The following PLPP1 variants were observed in gnomAD, a reference collection of about 807,000 sequenced individuals.
The protein encoded by PLPP1 is phospholipid phosphatase 1, also known as lipid phosphate phosphohydrolase 1a.
In PLPP1, 24 loss-of-function variants were observed where a neutral mutation model predicts 31.2. The ratio of observed to expected loss-of-function variants is 0.77; its 90% CI spans 0.56 to 1.08. PLPP1 has a LOEUF of 1.08. Ranked by LOEUF, PLPP1 falls within the 50% of genes least tolerant of loss-of-function variation. The pLI is 0.00. For synonymous variants in PLPP1, 146 were observed against 126.3 expected (o/e 1.16, Z -1.05); for missense variants, 319 against 342.7 (o/e 0.93, Z 0.55).
At chr5:55,479,362 T>C (rs574815505) in intron 1 of PLPP1, among the ~76,000 whole-genome samples, 95 of 152,296 alleles carry the variant, frequency 6.2e-4, no homozygotes, top group African/African-American at 2.0e-3. Context: ...CCCAGTGCCA[T>C]TTCATTTTCA....
chr5:55,442,460 T>G (rs1296589432), intron 3 of PLPP1, among the ~76,000 whole-genome samples: 1 of 152,122 alleles, frequency 6.6e-6, no homozygotes, highest in Non-Finnish European at 1.5e-5. Flanking sequence ...GAGACCATCC[T>G]GGCCAACATG....
chr5:55,517,650 A>G (rs925822320), intron 1 of PLPP1, among the ~76,000 whole-genome samples: 3 of 152,232 alleles, frequency 2.0e-5, no homozygotes, highest in East Asian at 3.8e-4. Flanking sequence ...ACTTCAGGCA[A>G]TGTAAATCAC....
At chr5:55,478,342 G>A (rs1032928803) in intron 1 of PLPP1, among the ~76,000 whole-genome samples, 1 of 152,142 alleles carries the variant, frequency 6.6e-6, no homozygotes, top group African/African-American at 2.4e-5. Context: ...AAGGAATTCC[G>A]CTAGGTGCTA....
chr5:55,530,404 C>G (rs918273207), intron 1 of PLPP1: 13 of 1,283,550 alleles, frequency 1.0e-5, no homozygotes, highest in Non-Finnish European at 1.5e-5. Flanking sequence ...AAATTTGATT[C>G]TTGACACAGG....
At chr5:55,500,444 T>C (rs1360828075) in intron 1 of PLPP1, among the ~76,000 whole-genome samples, 1 of 152,174 alleles carries the variant, frequency 6.6e-6, no homozygotes, top group Non-Finnish European at 1.5e-5. Flanking sequence ...GACCAACTTC[T>C]AAGTAGTTAT....
chr5:55,435,883 G>A (rs190358738), intron 4 of PLPP1, among the ~76,000 whole-genome samples: 175 of 151,962 alleles, frequency 1.2e-3, no homozygotes, highest in African/African-American at 4.1e-3. Context: ...GTACTACAGT[G>A]TGCGCCTGTA....
chr5:55,476,051 T>G (rs1752542936), intron 1 of PLPP1, among the ~76,000 whole-genome samples: 1 of 150,770 alleles, frequency 6.6e-6, no homozygotes, highest in Admixed American at 6.6e-5. Context: ...CGATCATAGC[T>G]AAGTGCAGCC....
chr5:55,427,396 G>A (rs1167112983), intron 4 of PLPP1, among the ~76,000 whole-genome samples: 1 of 152,100 alleles, frequency 6.6e-6, no homozygotes, highest in Non-Finnish European at 1.5e-5. Context: ...CACACCAGCT[G>A]TTTAACTGAG....
intron 3 of PLPP1, among the ~76,000 whole-genome samples, chr5:55,458,916 A>AAAAAAAAAAAAG (rs1752087974): frequency 6.8e-6 from 1 of 146,330 alleles, no homozygotes; most frequent in Non-Finnish European, 1.5e-5. Context: ...AAAAAAAAAA[A>AAAAAAAAAAAAG]CACATAGCAA....
chr5:55,503,185 G>A (rs1753183078), intron 1 of PLPP1, among the ~76,000 whole-genome samples: 1 of 152,172 alleles, frequency 6.6e-6, no homozygotes, highest in Non-Finnish European at 1.5e-5. Context: ...GGCCCAAAAT[G>A]CTTGGCTTAG....
chr5:55,514,725 G>A (rs914849754), intron 1 of PLPP1, among the ~76,000 whole-genome samples: 1 of 152,076 alleles, frequency 6.6e-6, no homozygotes, highest in Admixed American at 6.5e-5. Flanking sequence ...AAAACGACTG[G>A]CAAAATACTT....
At chr5:55,483,345 AAAC>A (rs1752708664) in intron 1 of PLPP1, among the ~76,000 whole-genome samples, 1 of 152,188 alleles carries the variant, frequency 6.6e-6, no homozygotes, top group African/African-American at 2.4e-5. Flanking sequence ...GCTAACACAC[AAAC>A]AACATCAGTT....
intron 1 of PLPP1, among the ~76,000 whole-genome samples, chr5:55,482,203 G>GACACACACACAC (rs112327602): frequency 6.9e-6 from 1 of 144,508 alleles, no homozygotes; most frequent in South Asian, 2.2e-4. Flanking sequence ...TACACACACA[G>GACACACACACAC]ACACACACAC....
At chr5:55,430,174 G>A (rs1053668573) in intron 4 of PLPP1, among the ~76,000 whole-genome samples, 2 of 152,156 alleles carry the variant, frequency 1.3e-5, no homozygotes, top group Non-Finnish European at 2.9e-5. Context: ...GGAATCAGAG[G>A]GTTGTCCTGC....
intron 1 of PLPP1, among the ~76,000 whole-genome samples, chr5:55,504,772 A>G (rs1753235253): frequency 6.6e-6 from 1 of 151,102 alleles, no homozygotes; most frequent in Non-Finnish European, 1.5e-5. Flanking sequence ...TTAACACTTG[A>G]TATTTCCACT....
At chr5:55,458,667 C>T (rs1253934727) in intron 3 of PLPP1, among the ~76,000 whole-genome samples, 2 of 151,860 alleles carry the variant, frequency 1.3e-5, no homozygotes, top group Non-Finnish European at 1.5e-5. Flanking sequence ...GTGGGTGGAT[C>T]ACCTGAAGTC....
intron 4 of PLPP1, among the ~76,000 whole-genome samples, chr5:55,439,275 G>A (rs1197850473): frequency 6.6e-6 from 1 of 152,164 alleles, no homozygotes. Flanking sequence ...GTCTCAGCCA[G>A]TCCCTGCAGC....
intron 1 of PLPP1, among the ~76,000 whole-genome samples, chr5:55,496,078 G>A (rs892062110): frequency 6.6e-6 from 1 of 152,018 alleles, no homozygotes; most frequent in Non-Finnish European, 1.5e-5. Flanking sequence ...GGCTCATCTT[G>A]AACTCCTGCC....
intron 3 of PLPP1, among the ~76,000 whole-genome samples, chr5:55,460,953 G>A (rs1438912392): frequency 2.0e-5 from 3 of 152,202 alleles, no homozygotes; most frequent in African/African-American, 7.2e-5. Flanking sequence ...TGGGCACCAA[G>A]GTGGGCAGAT....
Sources: gnomAD v4.1 joint callset for allele counts (sites outside exome capture counted in the v4.1 genomes callset) on GRCh38, gnomAD v4.1.1 for gene constraint, MANE v1.5 for transcripts, NCBI Gene and HGNC (gene_info 2026-07-23, HGNC 2026-07-21) for gene names.